DGKB: variants seen among roughly 807,000 people sequenced by gnomAD.
The protein encoded by DGKB is diacylglycerol kinase beta.
A neutral mutation model predicts 114.3 loss-of-function variants in DGKB; 67 were observed. That is an observed-to-expected ratio of 0.59 (90% CI 0.48 to 0.72). DGKB has a LOEUF of 0.72. Among genes scored for constraint, DGKB ranks in the 30% least tolerant of loss-of-function variants. DGKB has a pLI of 0.00. For synonymous variants in DGKB, 398 were observed against 323.1 expected, an observed-to-expected ratio of 1.23 and a Z score of -2.49; for missense variants, 907 against 975.2, an observed-to-expected ratio of 0.93 and a Z score of 0.93.
At chr7:14,970,828 T>C (rs1787419936) in intron 1 of DGKB, among the ~76,000 whole-genome samples, 1 of 152,110 alleles carries the variant, frequency 6.6e-6, no homozygotes, top group Non-Finnish European at 1.5e-5. Flanking sequence ...CCCCACACTC[T>C]TCCCCAGCCA....
intron 1 of DGKB, among the ~76,000 whole-genome samples, chr7:14,896,977 T>C (rs1782201824): frequency 6.6e-6 from 1 of 151,830 alleles, no homozygotes; most frequent in African/African-American, 2.4e-5. Flanking sequence ...TTATAAAGCA[T>C]GGCCCAGCTG....
chr7:14,151,354 A>G (rs1417145317), intron 25 of DGKB, among the ~76,000 whole-genome samples: 1 of 151,966 alleles, frequency 6.6e-6, no homozygotes, highest in Non-Finnish European at 1.5e-5. Flanking sequence ...ATGACAAAGC[A>G]TAACCAAAAT....
intron 13 of DGKB, among the ~76,000 whole-genome samples, chr7:14,635,073 T>C (rs1339223377): frequency 6.6e-6 from 1 of 151,562 alleles, no homozygotes; most frequent in East Asian, 1.9e-4. Flanking sequence ...TAAAACATTT[T>C]AAAAGCTACA....
At chr7:14,359,111 T>TAG (rs988913346) in intron 21 of DGKB, among the ~76,000 whole-genome samples, 2 of 151,808 alleles carry the variant, frequency 1.3e-5, no homozygotes, top group African/African-American at 4.8e-5. Flanking sequence ...GATATATATA[T>TAG]ATATATGTAT....
Position 14,841,327 on chromosome 7 carries a change from G to T in DGKB, c.-64C>A. 2 of 1,408,712 alleles carry T rather than the reference G, an allele frequency of 1.4e-6. No homozygotes were observed. The highest frequency in any genetic ancestry group is 2.3e-5 in the East Asian group (1 of 43,026). 87.3% of individuals were successfully genotyped at this position (1,408,712 alleles called of 1,614,324 possible). A position where few individuals can be genotyped will look rare whatever the true frequency, so the allele number is the denominator to read the frequency against. On this transcript the variant is annotated 5_prime_UTR_variant, in exon 2 of 26. Coordinates refer to ENST00000402815, the MANE Select transcript of DGKB (RefSeq NM_001350709.2). ...ATTCTTTATTCAGGTGTTGCGCAGAGGTCTATGCTTCAAAGATTCCACATG... is the reference window on the plus strand; with the variant it reads ...ATTCTTTATTCAGGTGTTGCGCAGATGTCTATGCTTCAAAGATTCCACATG...
At chr7:14,693,889 T>A (rs1407913897) in intron 9 of DGKB, among the ~76,000 whole-genome samples, 186 bp downstream of exon 9, 1 of 152,170 alleles carries the variant, frequency 6.6e-6, no homozygotes, top group African/African-American at 2.4e-5. Context: ...AATCAATATG[T>A]GTGTGGCAAG....
intron 1 of DGKB, among the ~76,000 whole-genome samples, chr7:14,951,002 T>C (rs890760097): frequency 1.3e-5 from 2 of 151,994 alleles, no homozygotes; most frequent in African/African-American, 4.8e-5. Context: ...CATATAATCA[T>C]GTCAATAGAC....
At chr7:14,697,360 C>T (rs1585745000) in intron 8 of DGKB, among the ~76,000 whole-genome samples, 1 of 152,096 alleles carries the variant, frequency 6.6e-6, no homozygotes, top group Admixed American at 6.6e-5. Context: ...CAATATATAA[C>T]ATATACACAA....
intron 23 of DGKB, among the ~76,000 whole-genome samples, chr7:14,324,462 A>G (rs1038291089): frequency 6.6e-6 from 1 of 150,766 alleles, no homozygotes; most frequent in African/African-American, 2.4e-5. Context: ...AAAAAAAAAA[A>G]GAAAGAATGT....
Position 14,639,657 on chromosome 7 carries a change from G to T in DGKB, c.1135-9389C>A, listed in dbSNP as rs563002436. On this transcript the variant is annotated intron_variant, in intron 13 of 25. Transcript: ENST00000402815. ...TGGATTTTTGCTGCAAAGCCCTAAAGGTACGGGCCAAGGCTAAACTATCAC... is the reference window on the plus strand; with the variant it reads ...TGGATTTTTGCTGCAAAGCCCTAAATGTACGGGCCAAGGCTAAACTATCAC... 2.0e-5 allele frequency among the ~76,000 whole-genome samples: 3 copies of T among 152,336 alleles called. No homozygotes were observed. The East Asian group carries it at 5.8e-4, about 29-fold the overall frequency.
At chr7:14,162,662 G>T (rs1784075897) in intron 25 of DGKB, among the ~76,000 whole-genome samples, 1 of 151,966 alleles carries the variant, frequency 6.6e-6, no homozygotes, top group African/African-American at 2.4e-5. Flanking sequence ...TCAAAATAAA[G>T]AATAAAAGAA....
At chr7:14,186,807 G>A (rs1183929581) in intron 23 of DGKB, among the ~76,000 whole-genome samples, 1 of 152,174 alleles carries the variant, frequency 6.6e-6, no homozygotes, top group Admixed American at 6.5e-5. Flanking sequence ...GGATATGTGG[G>A]AGATAAGCTA....
At chr7:14,754,922 T>G (rs867947680) in intron 3 of DGKB, among the ~76,000 whole-genome samples, 1 of 152,144 alleles carries the variant, frequency 6.6e-6, no homozygotes, top group Non-Finnish European at 1.5e-5. Context: ...TATGGCTTGG[T>G]CAATGAAGTG....
At chr7:14,813,669 A>C (rs1467007945) in intron 2 of DGKB, among the ~76,000 whole-genome samples, 4 of 152,146 alleles carry the variant, frequency 2.6e-5, no homozygotes, top group Non-Finnish European at 1.5e-5. Context: ...ATTTATTGTA[A>C]TAACTTACTC....
At chr7:14,833,759 T>C (rs899233105) in intron 2 of DGKB, among the ~76,000 whole-genome samples, 1 of 152,118 alleles carries the variant, frequency 6.6e-6, no homozygotes, top group African/African-American at 2.4e-5. Context: ...TTCCCTGATA[T>C]GTAACAGTCA....
At chr7:14,709,780 C>T (rs1251566093) in intron 6 of DGKB, among the ~76,000 whole-genome samples, 1 of 128,824 alleles carries the variant, frequency 7.8e-6, no homozygotes, top group Non-Finnish European at 1.6e-5. Context: ...ATCACATGGA[C>T]ACAGGAAGGG....
chr7:14,268,205 A>G (rs922075116), intron 23 of DGKB, among the ~76,000 whole-genome samples: 3 of 118,156 alleles, frequency 2.5e-5, no homozygotes, highest in Non-Finnish European at 1.9e-5. Flanking sequence ...ACCCATAGTC[A>G]CTGTACCACA....
intron 20 of DGKB, among the ~76,000 whole-genome samples, chr7:14,538,142 ACAACAAAGAAACAAG>A (rs1307150505): frequency 1.3e-5 from 2 of 151,030 alleles, no homozygotes; most frequent in Admixed American, 1.3e-4. Context: ...AAGCTTCTGC[ACAACAAAGAAACAAG>A]CAACAAAATG....
intron 20 of DGKB, among the ~76,000 whole-genome samples, chr7:14,489,982 C>T (rs559343398): frequency 6.6e-5 from 10 of 152,180 alleles, no homozygotes; most frequent in African/African-American, 1.7e-4. Context: ...ATAACTTTCA[C>T]GGCAAAAGTC....
Sources: allele counts gnomAD v4.1 joint callset (sites outside exome capture counted in the v4.1 genomes callset), GRCh38; gene constraint gnomAD v4.1.1; transcripts MANE v1.5; gene names NCBI Gene and HGNC (gene_info 2026-07-23, HGNC 2026-07-21).